The following PDE4D variants were observed in gnomAD, a reference collection of about 807,000 sequenced individuals.
PDE4D encodes the protein phosphodiesterase 4D, also known as 3',5'-cyclic-AMP phosphodiesterase 4D.
A neutral mutation model predicts 87.4 loss-of-function variants in PDE4D; 24 were observed. That is an observed-to-expected ratio of 0.27 (90% CI 0.20 to 0.39). The LOEUF is 0.39. Among genes scored for constraint, PDE4D ranks in the 10% least tolerant of loss-of-function variants. PDE4D has a pLI of 1.00. For synonymous variants in PDE4D, 384 were observed against 383.2 expected (o/e 1.00, Z -0.02); for missense variants, 714 against 1,041.0 (o/e 0.69, Z 4.32).
At chr5:59,393,695 T>C (rs1788699920) in intron 1 of PDE4D, among the ~76,000 whole-genome samples, 1 of 152,212 alleles carries the variant, frequency 6.6e-6, no homozygotes, top group Admixed American at 6.5e-5. Flanking sequence ...AGTAGTTTGA[T>C]CTGCTGGTTT....
At chr5:60,303,020 G>C (rs562181127) in intron 1 of PDE4D, among the ~76,000 whole-genome samples, 1 of 152,014 alleles carries the variant, frequency 6.6e-6, no homozygotes, top group South Asian at 2.1e-4. Context: ...GTAGAGACAG[G>C]GTTTAACCAT....
chr5:59,810,454 T>C (rs1768224678), intron 1 of PDE4D, among the ~76,000 whole-genome samples: 1 of 152,232 alleles, frequency 6.6e-6, no homozygotes, highest in Non-Finnish European at 1.5e-5. Context: ...GCTGCACCGA[T>C]ATTTTAAATG....
chr5:59,804,214 A>T (rs980857097), intron 1 of PDE4D, among the ~76,000 whole-genome samples: 1 of 152,132 alleles, frequency 6.6e-6, no homozygotes, highest in Non-Finnish European at 1.5e-5. Context: ...TCCATTATTC[A>T]TTCTTATGCC....
chr5:59,775,801 C>G (rs1764018505), intron 1 of PDE4D, among the ~76,000 whole-genome samples: 1 of 152,146 alleles, frequency 6.6e-6, no homozygotes, highest in African/African-American at 2.4e-5. Context: ...ATTCAAAACT[C>G]AACACCAAGG....
intron 1 of PDE4D, among the ~76,000 whole-genome samples, chr5:59,863,609 C>A (rs188386272): frequency 2.0e-5 from 3 of 152,088 alleles, no homozygotes; most frequent in African/African-American, 7.2e-5. Flanking sequence ...CATGATGGTA[C>A]TTCTATCTAC....
At chr5:59,674,121 C>A (rs1322931427) in intron 1 of PDE4D, among the ~76,000 whole-genome samples, 1 of 152,038 alleles carries the variant, frequency 6.6e-6, no homozygotes, top group African/African-American at 2.4e-5. Flanking sequence ...AAATAAATAG[C>A]ATACTATTTA....
intron 1 of PDE4D, among the ~76,000 whole-genome samples, chr5:59,758,575 T>G (rs1430791590): frequency 6.6e-6 from 1 of 152,156 alleles, no homozygotes; most frequent in African/African-American, 2.4e-5. Flanking sequence ...TGGTATAAAA[T>G]TGAAGTCTAG....
chr5:60,176,022 T>G (rs1188144916), intron 2 of PDE4D, among the ~76,000 whole-genome samples: 3 of 152,158 alleles, frequency 2.0e-5, no homozygotes, highest in Non-Finnish European at 4.4e-5. Context: ...TTTGTTCCAC[T>G]GGGAAATGGT....
At position 59,142,789 on chromosome 5, in the gene PDE4D, C is replaced by T. The variant is rs1366003249; in HGVS notation, c.808+37806G>A. On this transcript the variant is annotated intron_variant, in intron 5 of 14. Coordinates refer to ENST00000340635, the MANE Select transcript of PDE4D (RefSeq NM_001104631.2). ...CAAATTAGCCAGGCGTGGTGGCACA[C>T]GCCTGTAGTCCCAGCTACTCGGGAG... 3.9e-5 allele frequency among the ~76,000 whole-genome samples: 6 copies of T among 152,218 alleles called. 1 individual carries two copies. The highest frequency in any genetic ancestry group is 2.1e-4 in the South Asian group (1 of 4,824).
At chr5:59,839,247 G>A (rs770063566) in intron 1 of PDE4D, among the ~76,000 whole-genome samples, 2 of 151,440 alleles carry the variant, frequency 1.3e-5, no homozygotes, top group Non-Finnish European at 2.9e-5. Context: ...ACAGGCCTGG[G>A]GAAAACCCCA....
chr5:59,158,583 C>G (rs1381592608), intron 5 of PDE4D, among the ~76,000 whole-genome samples: 1 of 152,206 alleles, frequency 6.6e-6, no homozygotes, highest in East Asian at 1.9e-4. Flanking sequence ...GCCTTGGTAT[C>G]TTTTATTCAC....
intron 5 of PDE4D, among the ~76,000 whole-genome samples, chr5:59,075,405 G>A (rs2153420601): frequency 6.6e-6 from 1 of 151,998 alleles, no homozygotes; most frequent in Non-Finnish European, 1.5e-5. Flanking sequence ...CTCCCAATTG[G>A]AGATTCCGCA....
At chr5:60,196,897 G>C (rs191325073) in intron 1 of PDE4D, among the ~76,000 whole-genome samples, 1 of 151,596 alleles carries the variant, frequency 6.6e-6, no homozygotes, top group East Asian at 1.9e-4. Flanking sequence ...GTTGTAGAAT[G>C]TATGTAGAGA....
At chr5:59,745,734 C>T (rs1417281649) in intron 1 of PDE4D, among the ~76,000 whole-genome samples, 1 of 151,960 alleles carries the variant, frequency 6.6e-6, no homozygotes, top group Non-Finnish European at 1.5e-5. Flanking sequence ...AGAGCTTACC[C>T]TTTTCCTTAG....
intron 1 of PDE4D, among the ~76,000 whole-genome samples, chr5:59,618,749 A>G (rs528123975): frequency 6.6e-6 from 1 of 152,084 alleles, no homozygotes; most frequent in Non-Finnish European, 1.5e-5. Context: ...TTGAAATTTA[A>G]TAGTCATTGT....
At chr5:60,416,161 A>T (rs1168621988) in intron 1 of PDE4D, among the ~76,000 whole-genome samples, 1 of 152,206 alleles carries the variant, frequency 6.6e-6, no homozygotes, top group East Asian at 1.9e-4. Flanking sequence ...TGTCTAGCTC[A>T]AGGATTGTAA....
chr5:60,508,623 A>G (rs1561322845), intron 1 of PDE4D, among the ~76,000 whole-genome samples: 1 of 152,214 alleles, frequency 6.6e-6, no homozygotes, highest in South Asian at 2.1e-4. Flanking sequence ...CTATAAAGTC[A>G]CTGAGAACAC....
intron 2 of PDE4D, among the ~76,000 whole-genome samples, chr5:60,063,511 C>A (rs1382687651): frequency 6.6e-6 from 1 of 152,056 alleles, no homozygotes; most frequent in Non-Finnish European, 1.5e-5. Flanking sequence ...GCTTTCCTTG[C>A]TTGTTCCTGG....
intron 1 of PDE4D, among the ~76,000 whole-genome samples, chr5:59,486,301 T>G (rs1805139792): frequency 6.6e-6 from 1 of 152,172 alleles, no homozygotes; most frequent in Non-Finnish European, 1.5e-5. Context: ...CCTGTTGTCT[T>G]TTCTCTGTGG....
Sources: allele counts gnomAD v4.1 joint callset (sites outside exome capture counted in the v4.1 genomes callset), GRCh38; gene constraint gnomAD v4.1.1; transcripts MANE v1.5; gene names NCBI Gene and HGNC (gene_info 2026-07-23, HGNC 2026-07-21).